Variants in SLC18A1 observed in about 807,000 individuals in gnomAD.
The protein encoded by SLC18A1 is solute carrier family 18 member A1, also known as chromaffin granule amine transporter.
SLC18A1 carries 69 observed loss-of-function variants against 53.7 expected under a neutral mutation model. The ratio of observed to expected loss-of-function variants is 1.28; its 90% CI spans 1.06 to 1.57. The LOEUF (loss-of-function observed/expected upper bound fraction) is 1.57. Ranked by LOEUF, SLC18A1 falls within the 40% of genes most tolerant of loss-of-function variation. SLC18A1 has a pLI of 0.00. For synonymous variants in SLC18A1, 320 were observed against 248.1 expected (o/e 1.29, Z -2.72); for missense variants, 932 against 668.1 (o/e 1.40, Z -4.35).
chr8:20,149,577 T>TCTCTCCCC (rs1471709348), intron 12 of SLC18A1, 99 bp downstream of exon 12: 2 of 990,986 alleles, frequency 2.0e-6, no homozygotes, highest in East Asian at 5.3e-5. Context: ...TGTCTTTCTC[T>TCTCTCCCC]CTCTCTCTCT....
chr8:20,173,195 G>T lies in SLC18A1; in HGVS notation c.632-67C>A, dbSNP rs1339818910. On this transcript the variant is annotated intron_variant, in intron 5 of 15. Transcript: ENST00000276373. ...TTCTATCCGCCTCTCAGAGCCCTTG[G>T]TCCCACCCTGTTATCTCTTCAGTGA... 3 of 1,147,590 alleles carry T rather than the reference G, an allele frequency of 2.6e-6. No individual in the cohort carries two copies. In the South Asian group the frequency reaches 4.1e-5, roughly 16 times the overall value. 71.1% of individuals were successfully genotyped at this position (1,147,590 alleles called of 1,614,324 possible).
rs142272519 is a variant in SLC18A1, at chr8:20,147,792, A to C, written c.1211-70T>G. The C allele has an allele frequency of 1.2e-3, 1,885 of 1,581,310 alleles. 16 individuals carry two copies. The African/African-American group carries it at 0.023, about 19-fold the overall frequency. On this transcript the variant is annotated intron_variant, in intron 13 of 15. Coordinates refer to ENST00000276373, the MANE Select transcript of SLC18A1 (RefSeq NM_003053.4). The stretch of plus-strand genomic sequence containing the variant: ...AGTACCACCCCGCCTCTCCTCCTCC[A>C]TTTAGTCCATTTGCTTTGTCTGCTG...
chr8:20,180,775 A>G (rs2072404798), intron 2 of SLC18A1, 66 bp downstream of exon 2: 1 of 1,585,792 alleles, frequency 6.3e-7, no homozygotes, highest in Non-Finnish European at 8.6e-7. Context: ...GAACTCAAGC[A>G]GGGTGTACAC....
At chr8:20,171,765 A>C (rs1219180017) in intron 6 of SLC18A1, among the ~76,000 whole-genome samples, 2 of 152,068 alleles carry the variant, frequency 1.3e-5, no homozygotes, top group Non-Finnish European at 2.9e-5. Context: ...TAATTAAAGC[A>C]TGGTGAAAGT....
intron 10 of SLC18A1, among the ~76,000 whole-genome samples, chr8:20,162,025 G>T (rs2071843158): frequency 6.6e-6 from 1 of 152,150 alleles, no homozygotes; most frequent in African/African-American, 2.4e-5. Context: ...TGCAAAATTT[G>T]CACCACATAG....
chr8:20,147,355 C>A lies in SLC18A1; in HGVS notation c.1367G>T (p.Gly456Val), dbSNP rs780887018. Residue 456 changes from glycine (G) to valine (V), a missense_variant, in exon 15 of 16, where the codon GGT becomes GTT. Transcript: ENST00000276373. ...STGGAIVKAI[G>V]FPWLMVITGV... Reference sequence around the variant, plus strand: ...AGTGATGACCATGAGCCAGGGAAAACCGATGGCCTTTACAATGGCACCACC... The same window carrying A: ...AGTGATGACCATGAGCCAGGGAAAAACGATGGCCTTTACAATGGCACCACC... 6 of 1,613,070 alleles carry A rather than the reference C, an allele frequency of 3.7e-6. No homozygotes were observed. The highest frequency in any genetic ancestry group is 1.3e-5 in the African/African-American group (1 of 74,876).
chr8:20,161,236 G>C (rs1224496315), intron 10 of SLC18A1, among the ~76,000 whole-genome samples: 1 of 152,108 alleles, frequency 6.6e-6, no homozygotes, highest in African/African-American at 2.4e-5. Flanking sequence ...TTAATCCTGA[G>C]GCAAATTCCC....
chr8:20,170,499 T>A (rs1021921725), intron 8 of SLC18A1, among the ~76,000 whole-genome samples: 1 of 152,194 alleles, frequency 6.6e-6, no homozygotes. Context: ...TTACACTTGA[T>A]GCACTTTCTT....
chr8:20,160,380 G>C (rs4579546), intron 10 of SLC18A1, among the ~76,000 whole-genome samples: 2 of 150,582 alleles, frequency 1.3e-5, no homozygotes, highest in East Asian at 1.9e-4. Context: ...TCGTTCTTTA[G>C]GACCTGATTA....
At chr8:20,158,987 G>A (rs186185612) in intron 10 of SLC18A1, among the ~76,000 whole-genome samples, 3 of 152,056 alleles carry the variant, frequency 2.0e-5, no homozygotes, top group African/African-American at 7.2e-5. Flanking sequence ...TGTACCTCCC[G>A]CTGCACTTTA....
At chr8:20,158,448 G>C (rs1318158929) in intron 10 of SLC18A1, among the ~76,000 whole-genome samples, 1 of 152,148 alleles carries the variant, frequency 6.6e-6, no homozygotes, top group Non-Finnish European at 1.5e-5. Context: ...CCTGCTTGAG[G>C]AGGGAATTAA....
chr8:20,173,284 T>C (rs770205860), intron 5 of SLC18A1, among the ~76,000 whole-genome samples, 156 bp from the exon 6 acceptor site: 6 of 152,206 alleles, frequency 3.9e-5, no homozygotes, highest in East Asian at 1.9e-4. Context: ...ATTTTTCAAG[T>C]ACTACCCTCC....
intron 4 of SLC18A1, among the ~76,000 whole-genome samples, chr8:20,177,194 G>T (rs1193127810): frequency 6.6e-6 from 1 of 152,142 alleles, no homozygotes; most frequent in African/African-American, 2.4e-5. Context: ...TTTTCTTCAA[G>T]TCCACTAAAA....
At chr8:20,148,505 C>G in intron 12 of SLC18A1, 1 of 1,284,274 alleles carries the variant, frequency 7.8e-7, no homozygotes, top group Non-Finnish European at 1.0e-6. Flanking sequence ...ATTTAGACTT[C>G]TAACTTGGTA....
In SLC18A1 at chr8:20,166,287, G is replaced by GTGTGTGTATATATATA. The variant is rs1235212014; in HGVS notation, c.859-1181_859-1180insTATATATATACACACA. Among the ~76,000 whole-genome samples the GTGTGTGTATATATATA allele has an allele frequency of 3.8e-5, 3 of 78,996 alleles. 1 individual carries two copies. Among genetic ancestry groups the GTGTGTGTATATATATA allele is most frequent in the African/African-American group, 1.7e-4 (3 of 18,172 alleles). The allele number at this position is 78,996 out of a possible 152,430, so 51.8% of individuals were successfully genotyped here. ...CAAAATTGTGTGTGGGTGTGTGTGT[G>GTGTGTGTATATATATA]TCTATATATATATATATATATATAT... On this transcript the variant is annotated intron_variant, in intron 8 of 15. Coordinates refer to ENST00000276373, the MANE Select transcript of SLC18A1 (RefSeq NM_003053.4).
At chr8:20,152,031 A>G (rs1415882544) in intron 10 of SLC18A1, among the ~76,000 whole-genome samples, 1 of 152,230 alleles carries the variant, frequency 6.6e-6, no homozygotes, top group East Asian at 1.9e-4. Flanking sequence ...AGAGCAACTC[A>G]GAAGGGCTAT....
At chr8:20,161,381 A>G (rs2071826687) in intron 10 of SLC18A1, among the ~76,000 whole-genome samples, 1 of 152,224 alleles carries the variant, frequency 6.6e-6, no homozygotes, top group African/African-American at 2.4e-5. Flanking sequence ...GTACAAGATA[A>G]AAATAATACA....
chr8:20,171,501 A>C lies in SLC18A1; in HGVS notation c.725-7T>G, dbSNP rs751196748. 4 of 1,608,278 alleles carry C rather than the reference A, an allele frequency of 2.5e-6. No individual in the cohort carries two copies. The highest frequency in any genetic ancestry group is 3.3e-4 in the Middle Eastern group (2 of 6,052). On this transcript the variant is annotated splice_polypyrimidine_tract_variant and splice_region_variant and intron_variant, in intron 6 of 15. Coordinates refer to ENST00000276373, the MANE Select transcript of SLC18A1 (RefSeq NM_003053.4). ...CTTCCAAAGGGAGCTCCCACTGGAGAGGCATAGGAGACACAGATTCCAGAG... is the reference window on the plus strand; with the variant it reads ...CTTCCAAAGGGAGCTCCCACTGGAGCGGCATAGGAGACACAGATTCCAGAG...
At chr8:20,159,634 C>CAAAAAAAAAAAAAAAAAAA (rs200123466) in intron 10 of SLC18A1, among the ~76,000 whole-genome samples, 75 of 81,520 alleles carry the variant, frequency 9.2e-4, no homozygotes, top group East Asian at 1.9e-3. Context: ...TTGCAGCTGC[C>CAAAAAAAAAAAAAAAAAAA]AAAAAAAAAA....
Sources: allele counts gnomAD v4.1 joint callset (sites outside exome capture counted in the v4.1 genomes callset), GRCh38; gene constraint gnomAD v4.1.1; transcripts MANE v1.5; gene names NCBI Gene and HGNC (gene_info 2026-07-23, HGNC 2026-07-21).